The following ADARB2 variants were observed in gnomAD, a reference collection of about 807,000 sequenced individuals.
ADARB2 encodes adenosine deaminase RNA specific B2 (inactive).
A neutral mutation model predicts 62.2 loss-of-function variants in ADARB2; 25 were observed. That is an observed-to-expected ratio of 0.40 (90% CI 0.29 to 0.56). ADARB2 has a LOEUF of 0.56. Ranked by LOEUF, ADARB2 falls within the 20% of genes least tolerant of loss-of-function variation. The probability of loss-of-function intolerance (pLI) is 0.43; values close to 1 mark genes in which losing one functional copy is unlikely to be tolerated. For synonymous variants in ADARB2, 572 were observed against 500.8 expected (o/e 1.14, Z -1.90); for missense variants, 1,071 against 1,077.4 (o/e 0.99, Z 0.08).
intron 6 of ADARB2, among the ~76,000 whole-genome samples, chr10:1,217,891 T>A (rs921982412): frequency 6.6e-6 from 1 of 152,070 alleles, no homozygotes; most frequent in Non-Finnish European, 1.5e-5. Context: ...GTCTGGTGGG[T>A]CTCTGTGGGT....
intron 1 of ADARB2, among the ~76,000 whole-genome samples, chr10:1,463,153 G>A (rs1369802763): frequency 6.6e-6 from 1 of 152,176 alleles, no homozygotes; most frequent in Non-Finnish European, 1.5e-5. Flanking sequence ...TGATGAGTGG[G>A]ATTGGGGGCT....
chr10:1,573,804 A>G (rs772000416), intron 1 of ADARB2, among the ~76,000 whole-genome samples: 2 of 152,160 alleles, frequency 1.3e-5, no homozygotes, highest in African/African-American at 2.4e-5. Flanking sequence ...CTGCAAGCTC[A>G]ACGGGGTCTT....
rs1333461975 is a variant in ADARB2, at chr10:1,463,462, C to T, written c.101-84302G>A. ...GAAGAGGCAGCAGGTTTGATGCCGTCAGCTTTTCCGCTAAAGTGGTTAACC... is the reference window on the plus strand; with the variant it reads ...GAAGAGGCAGCAGGTTTGATGCCGTTAGCTTTTCCGCTAAAGTGGTTAACC... On this transcript the variant is annotated intron_variant, in intron 1 of 9. Transcript: ENST00000381312. Among the ~76,000 whole-genome samples the T allele has an allele frequency of 2.6e-5, 4 of 152,230 alleles. No individual in the cohort carries two copies. In the South Asian group the frequency reaches 6.2e-4, roughly 24 times the overall value.
intron 3 of ADARB2, among the ~76,000 whole-genome samples, chr10:1,347,648 C>T (rs1039655876): frequency 3.9e-5 from 6 of 152,166 alleles, no homozygotes; most frequent in African/African-American, 9.7e-5. Context: ...CCATCGGCTA[C>T]GAGACCCTCA....
At chr10:1,510,110 C>CCCTTTCTTTCTTTCTTTCTT (rs1831908330) in intron 1 of ADARB2, among the ~76,000 whole-genome samples, 2 of 106,184 alleles carry the variant, frequency 1.9e-5, no homozygotes, top group Non-Finnish European at 3.8e-5. Context: ...CTTTCTTTCT[C>CCCTTTCTTTCTTTCTTTCTT]TCTTTCTTTC....
intron 1 of ADARB2, among the ~76,000 whole-genome samples, chr10:1,715,565 C>A (rs1168375431): frequency 6.7e-6 from 1 of 149,822 alleles, no homozygotes; most frequent in Non-Finnish European, 1.5e-5. Context: ...CCAGTGGTTC[C>A]ACATCTGCTT....
chr10:1,653,362 A>G (rs1443329956), intron 1 of ADARB2, among the ~76,000 whole-genome samples: 1 of 152,180 alleles, frequency 6.6e-6, no homozygotes, highest in African/African-American at 2.4e-5. Context: ...GGTGTCTGGC[A>G]GAGGGTGTTG....
At chr10:1,631,671 G>A (rs1588330883) in intron 1 of ADARB2, among the ~76,000 whole-genome samples, 1 of 152,148 alleles carries the variant, frequency 6.6e-6, no homozygotes, top group Non-Finnish European at 1.5e-5. Flanking sequence ...GAGATCTTGG[G>A]TAAAGGACGA....
At chr10:1,330,324 C>G (rs992606807) in intron 3 of ADARB2, among the ~76,000 whole-genome samples, 1 of 152,174 alleles carries the variant, frequency 6.6e-6, no homozygotes, top group Non-Finnish European at 1.5e-5. Flanking sequence ...ATGATATGCA[C>G]CCCAAGTACT....
intron 1 of ADARB2, among the ~76,000 whole-genome samples, chr10:1,454,770 T>C (rs955560806): frequency 2.6e-5 from 4 of 152,170 alleles, no homozygotes; most frequent in Non-Finnish European, 5.9e-5. Context: ...ACTGTGTGAA[T>C]GTACTTAGTG....
At chr10:1,205,265 TTTTAGGGCCACC>T (rs1837038054) in intron 7 of ADARB2, among the ~76,000 whole-genome samples, 1 of 83,102 alleles carries the variant, frequency 1.2e-5, no homozygotes, top group Non-Finnish European at 3.6e-5. Context: ...GGCCTTGTTG[TTTTAGGGCCACC>T]TAAAACAACA....
At chr10:1,702,002 TAAAG>T (rs1460263745) in intron 1 of ADARB2, among the ~76,000 whole-genome samples, 10 of 152,206 alleles carry the variant, frequency 6.6e-5, no homozygotes, top group African/African-American at 2.2e-4. Context: ...CTGTGAAATT[TAAAG>T]AAAGACAAAG....
chr10:1,209,588 A>C (rs1429380774), intron 7 of ADARB2, among the ~76,000 whole-genome samples: 2 of 118,156 alleles, frequency 1.7e-5, no homozygotes, highest in African/African-American at 3.2e-5. Context: ...CACTCTCACC[A>C]TCACCCACAC....
intron 1 of ADARB2, among the ~76,000 whole-genome samples, chr10:1,403,808 C>T (rs981064174): frequency 4.6e-5 from 7 of 152,206 alleles, no homozygotes; most frequent in Admixed American, 6.5e-5. Context: ...TCCTGTTGCC[C>T]CTAAATCTGC....
chr10:1,403,239 T>C (rs1455836806), intron 1 of ADARB2, among the ~76,000 whole-genome samples: 1 of 152,214 alleles, frequency 6.6e-6, no homozygotes, highest in Admixed American at 6.5e-5. Context: ...CTTCTAACAC[T>C]TGCAACCAAA....
chr10:1,402,377 T>C (rs775989606), intron 1 of ADARB2, among the ~76,000 whole-genome samples: 39 of 152,246 alleles, frequency 2.6e-4, no homozygotes, highest in Non-Finnish European at 3.5e-4. Context: ...CCACTCTGCT[T>C]TGCCTGGTGG....
chr10:1,271,907 C>G (rs1458464175), intron 3 of ADARB2, among the ~76,000 whole-genome samples: 3 of 152,220 alleles, frequency 2.0e-5, no homozygotes, highest in African/African-American at 7.2e-5. Flanking sequence ...AGTTCTGCCA[C>G]TCAGGAGCCT....
At chr10:1,406,723 G>A (rs1832710479) in intron 1 of ADARB2, among the ~76,000 whole-genome samples, 1 of 152,188 alleles carries the variant, frequency 6.6e-6, no homozygotes, top group Admixed American at 6.5e-5. Flanking sequence ...TGAGTGCCAG[G>A]GTGGATCTGG....
At chr10:1,619,510 G>A (rs975511544) in intron 1 of ADARB2, among the ~76,000 whole-genome samples, 2 of 152,154 alleles carry the variant, frequency 1.3e-5, no homozygotes, top group African/African-American at 4.8e-5. Flanking sequence ...GGAGTGCAGT[G>A]GTGCGATCTT....
Sources: allele counts gnomAD v4.1 joint callset (sites outside exome capture counted in the v4.1 genomes callset), GRCh38; gene constraint gnomAD v4.1.1; transcripts MANE v1.5; gene names NCBI Gene and HGNC (gene_info 2026-07-23, HGNC 2026-07-21).